UBR7: variants seen among roughly 807,000 people sequenced by gnomAD.
The protein encoded by UBR7 is ubiquitin protein ligase E3 component n-recognin 7, also known as putative E3 ubiquitin-protein ligase UBR7.
In UBR7, 22 loss-of-function variants were observed where a neutral mutation model predicts 57.0. The observed-to-expected ratio is 0.39, with a 90% CI of 0.28 to 0.55. The LOEUF is 0.55. Ranked by LOEUF, UBR7 falls within the 20% of genes least tolerant of loss-of-function variation. The pLI is 0.69. For synonymous variants in UBR7, 167 were observed against 179.8 expected (o/e 0.93, Z 0.57); for missense variants, 395 against 513.2 (o/e 0.77, Z 2.23).
In UBR7 at chr14:93,228,543, T is replaced by G. The variant is rs1894918561; in HGVS notation, c.*1508T>G. 1 of 454,118 alleles carries G rather than the reference T, an allele frequency of 2.2e-6. No individual in the cohort carries two copies. The highest frequency in any genetic ancestry group is 2.3e-5 in the Admixed American group (1 of 42,580). 28.1% of individuals were successfully genotyped at this position (454,118 alleles called of 1,614,324 possible). On this transcript the variant is annotated 3_prime_UTR_variant, in exon 11 of 11. Transcript: ENST00000013070. ...TCAAAGAAATGGCACAACCATGTTC[T>G]TCGGCACTCAGGCTCCTAATTGCAG...
intron 4 of UBR7, 59 bp downstream of exon 4, chr14:93,212,186 T>C (rs2140099149): frequency 7.8e-7 from 1 of 1,286,550 alleles, no homozygotes; most frequent in South Asian, 1.2e-5. Context: ...ATTCCTCAAC[T>C]GCTTGTCATA....
At chr14:93,226,895 G>T (rs374798256) in intron 10 of UBR7, 48 bp from the exon 11 acceptor site, 6 of 1,377,758 alleles carry the variant, frequency 4.4e-6, no homozygotes, top group African/African-American at 1.4e-5. Context: ...CTCGGATTGC[G>T]ATTCTGTTAC....
chr14:93,225,384 T>C (rs891458982), intron 10 of UBR7, among the ~76,000 whole-genome samples: 8 of 148,012 alleles, frequency 5.4e-5, no homozygotes, highest in African/African-American at 2.0e-4. Context: ...CCCAGCACTT[T>C]GGGAGGCTAA....
intron 8 of UBR7, 141 bp from the exon 9 acceptor site, chr14:93,220,108 T>TA: frequency 2.5e-6 from 2 of 804,686 alleles, no homozygotes; most frequent in Non-Finnish European, 3.9e-6. Context: ...AATTCTGTGT[T>TA]AAAGACGCTC....
At chr14:93,223,760 CG>C in intron 10 of UBR7, 1 of 754,428 alleles carries the variant, frequency 1.3e-6, no homozygotes, top group Non-Finnish European at 2.4e-6. Flanking sequence ...TTCAGGATCT[CG>C]ATGGAATGGG....
intron 6 of UBR7, among the ~76,000 whole-genome samples, chr14:93,216,144 G>C (rs1293192182): frequency 6.6e-6 from 1 of 152,168 alleles, no homozygotes; most frequent in Admixed American, 6.5e-5. Context: ...TTATAAGTCA[G>C]AGCCCTCGTG....
chr14:93,220,640 G>A (rs977145870), intron 9 of UBR7, among the ~76,000 whole-genome samples: 1 of 152,144 alleles, frequency 6.6e-6, no homozygotes, highest in African/African-American at 2.4e-5. Context: ...ATGCTATTCT[G>A]ATTAAGGGTA....
At chr14:93,225,856 T>TA (rs1595272017) in intron 10 of UBR7, among the ~76,000 whole-genome samples, 2 of 152,208 alleles carry the variant, frequency 1.3e-5, no homozygotes, top group African/African-American at 4.8e-5. Flanking sequence ...TCCTTTTACT[T>TA]ACGGGCTTTC....
chr14:93,218,799 T>C lies in UBR7; in HGVS notation c.810+64T>C, dbSNP rs1566822879. 22 of 1,542,120 alleles carry C rather than the reference T, an allele frequency of 1.4e-5. No homozygotes were observed. The East Asian group carries it at 4.5e-4, about 32-fold the overall frequency. On this transcript the variant is annotated intron_variant, in intron 7 of 10. Transcript: ENST00000013070. ...GGCCAGGCGCGGTGGCTCATGCCCA[T>C]AATCCCAGCACTTTGGGAGGCTGAG...
intron 1 of UBR7, among the ~76,000 whole-genome samples, chr14:93,207,732 T>C (rs2140096023): frequency 6.6e-6 from 1 of 152,290 alleles, no homozygotes; most frequent in African/African-American, 2.4e-5. Flanking sequence ...TCCAGCCTCT[T>C]CTTGGTGCAC....
At chr14:93,219,628 T>C (rs1894663901) in intron 8 of UBR7, among the ~76,000 whole-genome samples, 1 of 152,260 alleles carries the variant, frequency 6.6e-6, no homozygotes, top group African/African-American at 2.4e-5. Flanking sequence ...ATTTTAATTT[T>C]AGTTTACTTA....
chr14:93,219,346 C>G lies in UBR7; in HGVS notation c.945C>G (p.Thr315=). The change falls in exon 8 of 11, where the codon ACC becomes ACG. Residue 315 remains threonine, a synonymous_variant. Coordinates refer to ENST00000013070, the MANE Select transcript of UBR7 (RefSeq NM_175748.4). ...WPLNWRSKLC[T]CQDCMKMYGD... is the part of the protein sequence containing the mutation. ...TGAACTGGCGTAGCAAGTTGTGTAC[C>G]TGCCAAGACTGTATGGTAAAGTATC... 1 of 1,614,180 alleles carries G rather than the reference C, an allele frequency of 6.2e-7. No individual in the cohort carries two copies. Among genetic ancestry groups the G allele is most frequent in the South Asian group, 1.1e-5 (1 of 91,086 alleles).
chr14:93,214,137 G>A lies in UBR7; in HGVS notation c.442-792G>A, dbSNP rs377693537. On this transcript the variant is annotated intron_variant, in intron 4 of 10. Coordinates refer to ENST00000013070, the MANE Select transcript of UBR7 (RefSeq NM_175748.4). ...AGACAGGATTTCAGCATGTTGGCCA[G>A]GCTAGTCTTAAACTTCTGACCTCAG... 1.6e-3 allele frequency among the ~76,000 whole-genome samples: 251 copies of A among 152,196 alleles called. 1 individual carries two copies. The highest frequency in any genetic ancestry group is 5.7e-3 in the African/African-American group (238 of 41,516).
chr14:93,223,760 C>T (rs900825064), intron 10 of UBR7: 6 of 754,310 alleles, frequency 8.0e-6, no homozygotes, highest in East Asian at 7.6e-5. Flanking sequence ...TTCAGGATCT[C>T]GATGGAATGG....
intron 1 of UBR7, 110 bp downstream of exon 1, chr14:93,207,551 C>T (rs1894390592): frequency 3.6e-6 from 5 of 1,383,118 alleles, no homozygotes; most frequent in South Asian, 3.0e-5. Flanking sequence ...AGTGGTGGTC[C>T]GGGGCCGCCG....
At chr14:93,222,174 T>C (rs1894722649) in intron 9 of UBR7, 139 bp from the exon 10 acceptor site, 2 of 663,794 alleles carry the variant, frequency 3.0e-6, no homozygotes, top group Non-Finnish European at 2.7e-6. Context: ...TGGGAACGAG[T>C]TTCTATGCAG....
chr14:93,221,490 G>A (rs1894706126), intron 9 of UBR7, among the ~76,000 whole-genome samples: 1 of 149,278 alleles, frequency 6.7e-6, no homozygotes, highest in South Asian at 2.1e-4. Context: ...CCCGAGCTGA[G>A]GTGATCCACC....
chr14:93,220,050 G>A (rs1242358717), intron 8 of UBR7, among the ~76,000 whole-genome samples, 199 bp from the exon 9 acceptor site: 1 of 152,004 alleles, frequency 6.6e-6, no homozygotes, highest in African/African-American at 2.4e-5. Context: ...CTGGGAAATT[G>A]GGAGATTTCT....
At chr14:93,219,518 AC>A (rs1894661874) in intron 8 of UBR7, among the ~76,000 whole-genome samples, 157 bp downstream of exon 8, 1 of 152,204 alleles carries the variant, frequency 6.6e-6, no homozygotes, top group South Asian at 2.1e-4. Context: ...TGTTTAGGAG[AC>A]CCTCCAAATT....
Sources: gnomAD v4.1 joint callset for allele counts (sites outside exome capture counted in the v4.1 genomes callset) on GRCh38, gnomAD v4.1.1 for gene constraint, MANE v1.5 for transcripts, NCBI Gene and HGNC (gene_info 2026-07-23, HGNC 2026-07-21) for gene names.